The following VEZT variants were observed in gnomAD, a reference collection of about 807,000 sequenced individuals.
VEZT encodes the protein vezatin, adherens junctions transmembrane protein.
A neutral mutation model predicts 79.9 loss-of-function variants in VEZT; 39 were observed. The observed-to-expected ratio is 0.49, with a 90% confidence interval of 0.38 to 0.64. VEZT has a LOEUF of 0.64. Among genes scored for constraint, VEZT ranks in the 30% least tolerant of loss-of-function variants. VEZT has a pLI of 0.00. For synonymous variants in VEZT, 325 were observed against 327.6 expected, an observed-to-expected ratio of 0.99 and a Z score of 0.09; for missense variants, 837 against 893.1, an observed-to-expected ratio of 0.94 and a Z score of 0.80.
chr12:95,235,332 G>T, intron 1 of VEZT, among the ~76,000 whole-genome samples: 1 of 141,094 alleles, frequency 7.1e-6, no homozygotes, highest in East Asian at 2.3e-4. Flanking sequence ...TGGCCGGGCA[G>T]AGGGGCTCCT....
intron 9 of VEZT, among the ~76,000 whole-genome samples, chr12:95,292,847 CT>C (rs1204643991): frequency 2.7e-3 from 264 of 96,480 alleles, no homozygotes; most frequent in Middle Eastern, 0.019. Flanking sequence ...GTACCTGGCC[CT>C]TTTTTTTTTT....
intron 1 of VEZT, 56 bp from the exon 2 acceptor site, chr12:95,251,884 G>A (rs528291796): frequency 2.1e-5 from 33 of 1,558,738 alleles, no homozygotes; most frequent in East Asian, 4.5e-5. Context: ...TTTGGCCCCC[G>A]AAACTTTTGA....
rs2074132902 is a variant in VEZT at position 95,296,358 on chromosome 12, A to G, written c.1831+100A>G. ...TTAGCTGAAGAATTCTTGGGGTTTT[A>G]TAAGGGTCCACCAGTATGCATAGTA... is the stretch of plus-strand genomic sequence containing the variant. On this transcript the variant is annotated intron_variant, in intron 11 of 11. Transcript: ENST00000436874. The G allele has an allele frequency of 3.4e-6, 4 of 1,169,200 alleles. No homozygotes were observed. In the South Asian group the frequency reaches 4.9e-5, roughly 14 times the overall value. The allele number at this position is 1,169,200 out of a possible 1,614,324, so 72.4% of individuals were successfully genotyped here.
chr12:95,221,276 T>A (rs367677481), intron 1 of VEZT, among the ~76,000 whole-genome samples: 1 of 152,236 alleles, frequency 6.6e-6, no homozygotes, highest in East Asian at 1.9e-4. Context: ...GTTCCACATC[T>A]GCAGATTGGA....
intron 4 of VEZT, among the ~76,000 whole-genome samples, chr12:95,264,179 A>G (rs17023855): frequency 0.11 from 16,917 of 152,176 alleles, 1,371 homozygotes; most frequent in African/African-American, 0.23. Flanking sequence ...TCACTCAGAT[A>G]TGATCATGAA....
chr12:95,285,456 T>G (rs186490895), intron 8 of VEZT, among the ~76,000 whole-genome samples: 19 of 151,946 alleles, frequency 1.3e-4, no homozygotes, highest in East Asian at 1.2e-3. Flanking sequence ...AAAATAAAAA[T>G]AAAAAATAAA....
chr12:95,241,474 T>C (rs1265909128), intron 1 of VEZT, among the ~76,000 whole-genome samples: 1 of 152,096 alleles, frequency 6.6e-6, no homozygotes, highest in Non-Finnish European at 1.5e-5. Flanking sequence ...CTGGCTAATT[T>C]TTTTATTTTT....
intron 9 of VEZT, among the ~76,000 whole-genome samples, chr12:95,292,635 G>A (rs1388357394): frequency 3.5e-5 from 5 of 142,856 alleles, no homozygotes; most frequent in South Asian, 4.5e-4. Flanking sequence ...TGCAACCTCC[G>A]CCTCCCAAGT....
chr12:95,297,858 G>A (rs890228732), intron 11 of VEZT, among the ~76,000 whole-genome samples: 4 of 152,094 alleles, frequency 2.6e-5, no homozygotes, highest in Non-Finnish European at 5.9e-5. Context: ...AGTGGCTCAC[G>A]CCTCTAATTC....
At chr12:95,290,268 C>G (rs1291150298) in intron 9 of VEZT, among the ~76,000 whole-genome samples, 1 of 152,190 alleles carries the variant, frequency 6.6e-6, no homozygotes, top group Non-Finnish European at 1.5e-5. Context: ...ATTTTAACCA[C>G]TATGAATGCA....
intron 9 of VEZT, 188 bp from the exon 10 acceptor site, chr12:95,294,084 G>A: frequency 2.0e-6 from 1 of 495,752 alleles, no homozygotes; most frequent in South Asian, 2.1e-5. Context: ...TAGCGACAGA[G>A]TCTTTGTTTC....
chr12:95,263,177 A>C, intron 4 of VEZT, 96 bp downstream of exon 4: 1 of 1,106,180 alleles, frequency 9.0e-7, no homozygotes, highest in Non-Finnish European at 1.2e-6. Flanking sequence ...AGGCATAAAC[A>C]TTCCATACAT....
intron 11 of VEZT, among the ~76,000 whole-genome samples, chr12:95,297,423 CTA>C (rs1168039091): frequency 6.6e-6 from 1 of 151,584 alleles, no homozygotes; most frequent in Non-Finnish European, 1.5e-5. Flanking sequence ...CTCAGGAGCC[CTA>C]TGTTTTCTCC....
chr12:95,280,919 G>A (rs1315795672), intron 7 of VEZT, among the ~76,000 whole-genome samples: 3 of 150,668 alleles, frequency 2.0e-5, no homozygotes. Flanking sequence ...TAGGAAATTA[G>A]GCCTTGGTCA....
At chr12:95,251,609 A>G (rs12320196) in intron 1 of VEZT, among the ~76,000 whole-genome samples, 73,695 of 151,992 alleles carry the variant, frequency 0.48, 18,223 homozygotes, top group African/African-American at 0.57. Flanking sequence ...TTTTGAAGCA[A>G]TCTAAGACTA....
At chr12:95,226,654 T>C (rs1460693880) in intron 1 of VEZT, among the ~76,000 whole-genome samples, 1 of 151,172 alleles carries the variant, frequency 6.6e-6, no homozygotes, top group Non-Finnish European at 1.5e-5. Flanking sequence ...TTGGGTCATT[T>C]GTATTTCTCC....
intron 1 of VEZT, among the ~76,000 whole-genome samples, chr12:95,248,055 G>A (rs928921536): frequency 6.6e-6 from 1 of 152,166 alleles, no homozygotes; most frequent in Non-Finnish European, 1.5e-5. Flanking sequence ...TGATCACCTT[G>A]GTAAGCCAGA....
At chr12:95,294,496 A>G (rs1279370735) in intron 10 of VEZT, 124 bp downstream of exon 10, 3 of 792,838 alleles carry the variant, frequency 3.8e-6, no homozygotes, top group Non-Finnish European at 5.9e-6. Context: ...CTCTGAATTC[A>G]TTGAATCTGC....
Position 95,250,803 on chromosome 12 carries a change from A to G in VEZT, c.37-1137A>G, listed in dbSNP as rs2062467230. 2.1e-5 allele frequency among the ~76,000 whole-genome samples: 3 copies of G among 143,558 alleles called. No homozygotes were observed. In the South Asian group the frequency reaches 6.5e-4, roughly 31 times the overall value. 94.2% of individuals were successfully genotyped at this position (143,558 alleles called of 152,430 possible). A position where few individuals can be genotyped will look rare whatever the true frequency, so the allele number is the denominator to read the frequency against. On this transcript the variant is annotated intron_variant, in intron 1 of 11. Coordinates refer to ENST00000436874, the MANE Select transcript of VEZT (RefSeq NM_017599.4). ...TCTGTGCTGTTTCCACATAGCTTAT[A>G]TATAGTTAAAAGTATAAATGGAGTG...
Sources: allele counts gnomAD v4.1 joint callset (sites outside exome capture counted in the v4.1 genomes callset), GRCh38; gene constraint gnomAD v4.1.1; transcripts MANE v1.5; gene names NCBI Gene and HGNC (gene_info 2026-07-23, HGNC 2026-07-21).